The following UNC50 variants were observed in gnomAD, a reference collection of about 807,000 sequenced individuals.
UNC50 encodes the protein unc-50 inner nuclear membrane RNA binding protein.
UNC50 carries 24 observed loss-of-function variants against 31.5 expected under a neutral mutation model. The ratio of observed to expected loss-of-function variants is 0.76; its 90% CI spans 0.55 to 1.07. The LOEUF is 1.07. Among genes scored for constraint, UNC50 ranks in the 50% least tolerant of loss-of-function variants. UNC50 has a pLI of 0.00. For synonymous variants in UNC50, 118 were observed against 114.7 expected (o/e 1.03, Z -0.18); for missense variants, 245 against 304.2 (o/e 0.81, Z 1.45).
In UNC50 at chr2:98,610,899, A is replaced by G; in HGVS notation, c.401+4A>G. 2 of 1,613,114 alleles carry G rather than the reference A, an allele frequency of 1.2e-6. No homozygotes were observed. The highest frequency in any genetic ancestry group is 1.7e-6 in the Non-Finnish European group (2 of 1,179,578). On this transcript the variant is annotated splice_donor_region_variant and intron_variant, in intron 3 of 5. Transcript: ENST00000357765. ...TTCTGATAGCAACTTTAATGTGGTA[A>G]GTACCATAACTTTGGTTTTTCAGAT...
chr2:98,610,905 A>G lies in UNC50; in HGVS notation c.401+10A>G, dbSNP rs1331482661. ...TAGCAACTTTAATGTGGTAAGTACCATAACTTTGGTTTTTCAGATACTGCT... is the reference window on the plus strand; with the variant it reads ...TAGCAACTTTAATGTGGTAAGTACCGTAACTTTGGTTTTTCAGATACTGCT... On this transcript the variant is annotated intron_variant, in intron 3 of 5. Coordinates refer to ENST00000357765, the MANE Select transcript of UNC50 (RefSeq NM_014044.7). 9.9e-6 allele frequency: 16 copies of G among 1,610,888 alleles called. No homozygotes were observed. The highest frequency in any genetic ancestry group is 1.3e-5 in the African/African-American group (1 of 74,720).
intron 1 of UNC50, chr2:98,609,509 C>G: frequency 1.7e-6 from 1 of 571,902 alleles, no homozygotes; most frequent in Non-Finnish European, 3.1e-6. Flanking sequence ...GTAGCTGCCC[C>G]TGGATAAGTG....
Position 98,609,940 on chromosome 2 carries a change from CA to C in UNC50, c.182del (p.Gln61ArgfsTer28). ...WQMLYLFTSPQRVYRNFHYRK... is the reference protein window; with the variant it reads ...WQMLYLFTSPXRVYRNFHYRK... ...GATGCTCTACCTGTTCACATCCCCACAGAGAGTTTACAGAAATTTTCATTAT... is the reference window on the plus strand; with the variant it reads ...GATGCTCTACCTGTTCACATCCCCACGAGAGTTTACAGAAATTTTCATTAT... On this transcript the variant is annotated frameshift_variant, in exon 2 of 6. Coordinates refer to ENST00000357765, the MANE Select transcript of UNC50 (RefSeq NM_014044.7). LOFTEE classifies it high-confidence loss of function. The C allele has an allele frequency of 1.9e-6, 3 of 1,614,184 alleles. No homozygotes were observed. Among genetic ancestry groups the C allele is most frequent in the Non-Finnish European group, 1.7e-6 (2 of 1,180,030 alleles).
chr2:98,610,702 G>A lies in UNC50; in HGVS notation c.281-73G>A. 3 of 1,558,162 alleles carry A rather than the reference G, an allele frequency of 1.9e-6. No individual in the cohort carries two copies. In the South Asian group the frequency reaches 3.7e-5, roughly 19 times the overall value. On this transcript the variant is annotated intron_variant, in intron 2 of 5. Coordinates refer to ENST00000357765, the MANE Select transcript of UNC50 (RefSeq NM_014044.7). The stretch of plus-strand genomic sequence containing the variant: ...TCTCCCACTAGCCTGGGCATCTGGA[G>A]GGCAAGGGATGTGTCCTGTATTTCC...
Position 98,616,484 on chromosome 2 carries a change from G to A in UNC50, c.594G>A (p.Trp198Ter), listed in dbSNP as rs752207381. 1 of 1,614,050 alleles carries A rather than the reference G, an allele frequency of 6.2e-7. No individual in the cohort carries two copies. The highest frequency in any genetic ancestry group is 1.7e-5 in the Admixed American group (1 of 60,022). ...GATATTTAGTTGGAAATACCTTATGGTTGGTTGCAGTTGGCTATTATATCT... is the reference window on the plus strand; with the variant it reads ...GATATTTAGTTGGAAATACCTTATGATTGGTTGCAGTTGGCTATTATATCT... ...FIGYLVGNTL[W>*]LVAVGYYIYV... Residue 198 changes from tryptophan to a stop codon, truncating the protein, a stop_gained, in exon 5 of 6, where the codon TGG becomes TGA. Transcript: ENST00000357765. LOFTEE classifies it high-confidence loss of function.
At chr2:98,609,323 G>T in intron 1 of UNC50, 1 of 201,026 alleles carries the variant, frequency 5.0e-6, no homozygotes, top group African/African-American at 2.3e-5. Context: ...GTGTGAATAG[G>T]CCATTTATTT....
intron 5 of UNC50, among the ~76,000 whole-genome samples, chr2:98,616,969 C>T (rs768295803): frequency 2.6e-5 from 4 of 152,178 alleles, no homozygotes; most frequent in African/African-American, 9.7e-5. Flanking sequence ...CTGAAGTTCT[C>T]TAAAGCCTTT....
At chr2:98,616,880 C>T (rs1414066324) in intron 5 of UNC50, among the ~76,000 whole-genome samples, 2 of 152,212 alleles carry the variant, frequency 1.3e-5, no homozygotes, top group Non-Finnish European at 2.9e-5. Context: ...TTCTCCCATG[C>T]TTTCAGGTTG....
Position 98,618,396 on chromosome 2 carries a change from A to C in UNC50, c.*92A>C, listed in dbSNP as rs1410731871. 1 of 1,384,358 alleles carries C rather than the reference A, an allele frequency of 7.2e-7. No homozygotes were observed. The highest frequency in any genetic ancestry group is 9.5e-7 in the Non-Finnish European group (1 of 1,051,000). 85.8% of individuals were successfully genotyped at this position (1,384,358 alleles called of 1,614,324 possible). ...CTTGTAAATAAACTATCATCTTTGT[A>C]GATATCTTAAAGGTGTAAAGTTTGC... On this transcript the variant is annotated 3_prime_UTR_variant, in exon 6 of 6. Coordinates refer to ENST00000357765, the MANE Select transcript of UNC50 (RefSeq NM_014044.7).
chr2:98,616,369 A>G, intron 4 of UNC50, 23 bp downstream of exon 4: 1 of 1,613,874 alleles, frequency 6.2e-7, no homozygotes, highest in Non-Finnish European at 8.5e-7. Flanking sequence ...TAATTAGAGT[A>G]TTATCCAAGT....
In UNC50 at chr2:98,618,155, C is replaced by A; in HGVS notation, c.644-13C>A. 1 of 1,488,664 alleles carries A rather than the reference C, an allele frequency of 6.7e-7. No individual in the cohort carries two copies. Among genetic ancestry groups the A allele is most frequent in the South Asian group, 1.4e-5 (1 of 72,802 alleles). The allele number at this position is 1,488,664 out of a possible 1,614,324, so 92.2% of individuals were successfully genotyped here. The stretch of plus-strand genomic sequence containing the variant: ...TTTTTTTTTAAATCAGTTTGGATTC[C>A]TTTCTTTTCCAGCATTGCCATTTTT... On this transcript the variant is annotated splice_polypyrimidine_tract_variant and intron_variant, in intron 5 of 5. Transcript: ENST00000357765.
At chr2:98,617,953 C>G (rs1258124687) in intron 5 of UNC50, among the ~76,000 whole-genome samples, 4 of 152,084 alleles carry the variant, frequency 2.6e-5, no homozygotes, top group Admixed American at 1.3e-4. Context: ...AATTCCTCTC[C>G]TAGGTTTCTT....
intron 3 of UNC50, among the ~76,000 whole-genome samples, chr2:98,612,820 A>G (rs923245420): frequency 6.6e-6 from 1 of 152,262 alleles, no homozygotes; most frequent in African/African-American, 2.4e-5. Context: ...TTCCCAGTGC[A>G]TATTAAAATC....
At chr2:98,612,231 G>A (rs1399904419) in intron 3 of UNC50, among the ~76,000 whole-genome samples, 1 of 152,086 alleles carries the variant, frequency 6.6e-6, no homozygotes, top group Non-Finnish European at 1.5e-5. Context: ...TGCCAACTTA[G>A]TTATCTGTGA....
chr2:98,608,592 T>G lies in UNC50; in HGVS notation c.-139T>G, dbSNP rs905337630. 1 of 612,210 alleles carries G rather than the reference T, an allele frequency of 1.6e-6. No individual in the cohort carries two copies. Among genetic ancestry groups the G allele is most frequent in the South Asian group, 1.9e-5 (1 of 52,660 alleles). 37.9% of individuals were successfully genotyped at this position (612,210 alleles called of 1,614,324 possible). On this transcript the variant is annotated 5_prime_UTR_variant, in exon 1 of 6. Transcript: ENST00000357765. ...TGGCGCGTCCGCGGCGGAAGTCGGT[T>G]CCCGTGACGCGGCGCGCCCCAAGGG...
At chr2:98,613,688 C>G (rs1700875782) in intron 3 of UNC50, among the ~76,000 whole-genome samples, 1 of 152,164 alleles carries the variant, frequency 6.6e-6, no homozygotes, top group Admixed American at 6.5e-5. Flanking sequence ...GGGGACACAG[C>G]CAAACAATAT....
Position 98,616,306 on chromosome 2 carries a change from C to G in UNC50, c.501C>G (p.Leu167=). 3 of 1,614,116 alleles carry G rather than the reference C, an allele frequency of 1.9e-6. No homozygotes were observed. The highest frequency in any genetic ancestry group is 1.7e-6 in the Non-Finnish European group (2 of 1,180,010). ...FDVHLNAFYP[L]LVILHFIQLF... ...TGCATCTCAATGCTTTTTATCCACTCCTGGTCATTTTGCATTTTATCCAGC... is the reference window on the plus strand; with the variant it reads ...TGCATCTCAATGCTTTTTATCCACTGCTGGTCATTTTGCATTTTATCCAGC... The change falls in exon 4 of 6, where the codon CTC becomes CTG. Residue 167 remains leucine, a synonymous_variant. Coordinates refer to ENST00000357765, the MANE Select transcript of UNC50 (RefSeq NM_014044.7).
intron 3 of UNC50, among the ~76,000 whole-genome samples, chr2:98,612,640 C>T (rs1477828939): frequency 6.6e-6 from 1 of 152,190 alleles, no homozygotes; most frequent in Non-Finnish European, 1.5e-5. Context: ...AACTCCTGAC[C>T]TCAGGTGATC....
chr2:98,616,700 G>C (rs1700927920), intron 5 of UNC50, among the ~76,000 whole-genome samples, 167 bp downstream of exon 5: 1 of 152,156 alleles, frequency 6.6e-6, no homozygotes, highest in Non-Finnish European at 1.5e-5. Context: ...GTTTGTTTCT[G>C]TTTTCAAATG....
Sources: gnomAD v4.1 joint callset for allele counts (sites outside exome capture counted in the v4.1 genomes callset) on GRCh38, gnomAD v4.1.1 for gene constraint, MANE v1.5 for transcripts, NCBI Gene and HGNC (gene_info 2026-07-23, HGNC 2026-07-21) for gene names.